Variants in TRIM33 observed in about 807,000 individuals in gnomAD.
TRIM33 encodes E3 ubiquitin-protein ligase TRIM33.
A neutral mutation model predicts 125.4 loss-of-function variants in TRIM33; 20 were observed. The ratio of observed to expected loss-of-function variants is 0.16; its 90% confidence interval spans 0.11 to 0.23. The LOEUF (loss-of-function observed/expected upper bound fraction) is 0.23. Among genes scored for constraint, TRIM33 ranks in the 10% least tolerant of loss-of-function variants. TRIM33 has a pLI of 1.00. For missense variants in TRIM33, 920 were observed against 1,411.4 expected (o/e 0.65, Z 5.58); for synonymous variants, 564 against 513.9 (o/e 1.10, Z -1.32).
chr1:114,499,476 T>C (rs1652580957), intron 1 of TRIM33, among the ~76,000 whole-genome samples: 1 of 152,048 alleles, frequency 6.6e-6, no homozygotes. Context: ...GAAAAAAGTT[T>C]TCTCCTGAGA....
chr1:114,433,390 A>G (rs1195098557), intron 5 of TRIM33, among the ~76,000 whole-genome samples: 1 of 152,196 alleles, frequency 6.6e-6, no homozygotes, highest in Non-Finnish European at 1.5e-5. Context: ...TTTAACACAG[A>G]CCACAGTCTT....
In TRIM33 at chr1:114,464,250, A is replaced by C. The variant is rs753063768; in HGVS notation, c.645+20T>G. On this transcript the variant is annotated intron_variant, in intron 2 of 19. Transcript: ENST00000358465. ...GTTTGATATCAAGATAGGAATATAA[A>C]GAAAAATTGAGAAGCATACCTGTTC... is the stretch of plus-strand genomic sequence containing the variant. 3.0e-6 allele frequency: 4 copies of C among 1,348,408 alleles called. No individual in the cohort carries two copies. Among genetic ancestry groups the C allele is most frequent in the Non-Finnish European group, 4.2e-6 (4 of 963,176 alleles). The allele number at this position is 1,348,408 out of a possible 1,614,324, so 83.5% of individuals were successfully genotyped here.
intron 1 of TRIM33, among the ~76,000 whole-genome samples, chr1:114,491,533 G>A (rs1402439061): frequency 1.3e-5 from 2 of 152,120 alleles, no homozygotes; most frequent in African/African-American, 4.8e-5. Flanking sequence ...TGGATGCAGT[G>A]GCTCAAGTCT....
chr1:114,472,964 A>T (rs979372089), intron 1 of TRIM33, among the ~76,000 whole-genome samples: 2 of 152,128 alleles, frequency 1.3e-5, no homozygotes, highest in Non-Finnish European at 2.9e-5. Flanking sequence ...TGTGTTATAA[A>T]GTTTTGGTGC....
At chr1:114,482,270 A>G (rs1651405815) in intron 1 of TRIM33, among the ~76,000 whole-genome samples, 1 of 152,222 alleles carries the variant, frequency 6.6e-6, no homozygotes, top group Middle Eastern at 3.4e-3. Flanking sequence ...GACATATATT[A>G]GAAAGGAAAA....
At position 114,478,360 on chromosome 1, in the gene TRIM33, T is replaced by C. The variant is rs1286285923; in HGVS notation, c.527-13972A>G. 1.3e-5 allele frequency among the ~76,000 whole-genome samples: 2 copies of C among 152,112 alleles called. 1 individual carries two copies. Among genetic ancestry groups the C allele is most frequent in the East Asian group, 3.9e-4 (2 of 5,194 alleles). On this transcript the variant is annotated intron_variant, in intron 1 of 19. Transcript: ENST00000358465. ...TTTGCCAGGTATAAATTAGTATCTGTCTGGAAAGAACAGGTTTTGCTATAC... is the reference window on the plus strand; with the variant it reads ...TTTGCCAGGTATAAATTAGTATCTGCCTGGAAAGAACAGGTTTTGCTATAC...
At chr1:114,427,126 C>A in intron 8 of TRIM33, 51 bp downstream of exon 8, 1 of 839,762 alleles carries the variant, frequency 1.2e-6, no homozygotes, top group South Asian at 1.8e-5. Flanking sequence ...AGTATTTTCT[C>A]CTTCTAATTC....
chr1:114,410,798 T>C (rs6694768), intron 11 of TRIM33, among the ~76,000 whole-genome samples: 53,245 of 151,676 alleles, frequency 0.35, 9,988 homozygotes, highest in African/African-American at 0.46. Flanking sequence ...AGGGCACAGT[T>C]AACAGTACAT....
At chr1:114,402,459 T>C (rs1337030429) in intron 16 of TRIM33, among the ~76,000 whole-genome samples, 1 of 152,132 alleles carries the variant, frequency 6.6e-6, no homozygotes, top group Non-Finnish European at 1.5e-5. Flanking sequence ...TTAAGGGGAA[T>C]ACTGGGGGAG....
chr1:114,483,167 T>G (rs1651458343), intron 1 of TRIM33, among the ~76,000 whole-genome samples: 1 of 151,926 alleles, frequency 6.6e-6, no homozygotes, highest in Admixed American at 6.6e-5. Flanking sequence ...ATTAGCTAGG[T>G]GCGATGGTGC....
Position 114,399,339 on chromosome 1 carries a change from T to C in TRIM33, c.3120+118A>G, listed in dbSNP as rs1031027402. The C allele has an allele frequency of 7.8e-6, 7 of 894,656 alleles. No individual in the cohort carries two copies. In the African/African-American group the frequency reaches 1.0e-4, roughly 13 times the overall value. The allele number at this position is 894,656 out of a possible 1,614,324, so 55.4% of individuals were successfully genotyped here. A position where few individuals can be genotyped will look rare whatever the true frequency, so the allele number is the denominator to read the frequency against. ...CTGTTAATACAATCAGATGTTACTTTTGACAGGACTTTAGCAGAAAAAAAA... is the reference window on the plus strand; with the variant it reads ...CTGTTAATACAATCAGATGTTACTTCTGACAGGACTTTAGCAGAAAAAAAA... On this transcript the variant is annotated intron_variant, in intron 18 of 19. Transcript: ENST00000358465.
chr1:114,501,497 G>A (rs1365926411), intron 1 of TRIM33, among the ~76,000 whole-genome samples: 2 of 152,140 alleles, frequency 1.3e-5, no homozygotes, highest in African/African-American at 2.4e-5. Context: ...GGAAAAAACT[G>A]TATATATGGC....
In TRIM33 at chr1:114,392,907, T is replaced by C. The variant is rs1651354965; in HGVS notation, c.*4741A>G. On this transcript the variant is annotated 3_prime_UTR_variant, in exon 20 of 20. Transcript: ENST00000358465. Reference sequence around the variant, plus strand: ...TTCCAGAGCATTATAACAAGAATTATTTACAGGCAGCTAATGTATTAAATA... The same window carrying C: ...TTCCAGAGCATTATAACAAGAATTACTTACAGGCAGCTAATGTATTAAATA... The C allele has an allele frequency of 5.1e-6, 1 of 194,902 alleles. No individual in the cohort carries two copies. Among genetic ancestry groups the C allele is most frequent in the Non-Finnish European group, 1.1e-5 (1 of 93,612 alleles). The allele number at this position is 194,902 out of a possible 1,614,324, so 12.1% of individuals were successfully genotyped here. A position where few individuals can be genotyped will look rare whatever the true frequency, so the allele number is the denominator to read the frequency against.
chr1:114,501,404 T>C (rs920750586), intron 1 of TRIM33, among the ~76,000 whole-genome samples: 5 of 152,164 alleles, frequency 3.3e-5, no homozygotes, highest in African/African-American at 9.7e-5. Context: ...TTTTTCTCCA[T>C]ATGGCCTCTT....
chr1:114,495,037 C>G (rs1353522908), intron 1 of TRIM33, among the ~76,000 whole-genome samples: 1 of 152,126 alleles, frequency 6.6e-6, no homozygotes, highest in Non-Finnish European at 1.5e-5. Context: ...ACTCAGCCTC[C>G]CGGGTAGCTG....
At chr1:114,454,613 G>C (rs1649518418) in intron 4 of TRIM33, among the ~76,000 whole-genome samples, 1 of 150,030 alleles carries the variant, frequency 6.7e-6, no homozygotes, top group Non-Finnish European at 1.5e-5. Context: ...TTGAGCCCAG[G>C]AATTCAAGCC....
At chr1:114,486,277 A>G (rs1242963960) in intron 1 of TRIM33, among the ~76,000 whole-genome samples, 2 of 152,146 alleles carry the variant, frequency 1.3e-5, no homozygotes, top group Non-Finnish European at 2.9e-5. Context: ...CCTCATCTTA[A>G]AACGGCAATA....
intron 4 of TRIM33, among the ~76,000 whole-genome samples, chr1:114,458,684 G>GC (rs1649767765): frequency 6.6e-6 from 1 of 152,086 alleles, no homozygotes; most frequent in South Asian, 2.1e-4. Context: ...CAGCCACTCT[G>GC]CAATTATTAA....
chr1:114,482,658 G>A (rs370400989), intron 1 of TRIM33, among the ~76,000 whole-genome samples: 1 of 152,190 alleles, frequency 6.6e-6, no homozygotes, highest in Admixed American at 6.5e-5. Context: ...AATGTTGGAG[G>A]AGGGCCCCGG....
Sources: gnomAD v4.1 joint callset for allele counts (sites outside exome capture counted in the v4.1 genomes callset) on GRCh38, gnomAD v4.1.1 for gene constraint, MANE v1.5 for transcripts, NCBI Gene and HGNC (gene_info 2026-07-23, HGNC 2026-07-21) for gene names.